CXCL12: variants seen among roughly 807,000 people sequenced by gnomAD.
The protein encoded by CXCL12 is stromal cell-derived factor 1.
In CXCL12, 4 loss-of-function variants were observed where a neutral mutation model predicts 10.7. The ratio of observed to expected loss-of-function variants is 0.37; its 90% CI spans 0.18 to 0.86. The LOEUF (loss-of-function observed/expected upper bound fraction) is 0.86, where lower values mean the gene tolerates loss of function less well. Ranked by LOEUF, CXCL12 falls within the 40% of genes least tolerant of loss-of-function variation. CXCL12 has a pLI of 0.43. For synonymous variants in CXCL12, 54 were observed against 45.4 expected (o/e 1.19, Z -0.77); for missense variants, 122 against 110.4 (o/e 1.10, Z -0.47).
chr10:44,376,170 C>T (rs1426250339), downstream of CXCL12: 2 of 811,346 alleles, frequency 2.5e-6, no homozygotes, highest in East Asian at 5.1e-5. Context: ...CTGGTCAAAG[C>T]ACTGTTTATC....
At position 44,385,071 on chromosome 10, in the gene CXCL12, G is replaced by T. The variant is rs1244994861; in HGVS notation, c.-66C>A. ...GGGGGCCGGACGCCGAGCGGGCAAT[G>T]CGGCTGACGGAGAGTGAAAGTGCGG... is the stretch of plus-strand genomic sequence containing the variant. On this transcript the variant is annotated 5_prime_UTR_variant, in exon 1 of 3. Transcript: ENST00000343575. The T allele has an allele frequency of 2.4e-6, 3 of 1,231,554 alleles. No individual in the cohort carries two copies. The highest frequency in any genetic ancestry group is 2.9e-5 in the Admixed American group (1 of 34,110). 76.3% of individuals were successfully genotyped at this position (1,231,554 alleles called of 1,614,324 possible).
chr10:44,385,058 C>G lies in CXCL12; in HGVS notation c.-53G>C. On this transcript the variant is annotated 5_prime_UTR_variant, in exon 1 of 3. Transcript: ENST00000343575. Reference sequence around the variant, plus strand: ...ACGAGCGCGGGTCGGGGGCCGGACGCCGAGCGGGCAATGCGGCTGACGGAG... The same window carrying G: ...ACGAGCGCGGGTCGGGGGCCGGACGGCGAGCGGGCAATGCGGCTGACGGAG... 1.5e-6 allele frequency: 2 copies of G among 1,346,616 alleles called. No homozygotes were observed. The highest frequency in any genetic ancestry group is 6.0e-5 in the East Asian group (2 of 33,084). 83.4% of individuals were successfully genotyped at this position (1,346,616 alleles called of 1,614,324 possible). A position where few individuals can be genotyped will look rare whatever the true frequency, so the allele number is the denominator to read the frequency against.
chr10:44,383,988 G>T (rs910662460), intron 1 of CXCL12, among the ~76,000 whole-genome samples: 1 of 152,226 alleles, frequency 6.6e-6, no homozygotes, highest in African/African-American at 2.4e-5. Context: ...GTTTATTTTG[G>T]TTTGCATCGG....
rs1055553072 is a variant in CXCL12, at chr10:44,385,065, G to A, written c.-60C>T. 37 of 1,273,036 alleles carry A rather than the reference G, an allele frequency of 2.9e-5. No homozygotes were observed. In the African/African-American group the frequency reaches 5.5e-4, roughly 19 times the overall value. 78.9% of individuals were successfully genotyped at this position (1,273,036 alleles called of 1,614,324 possible). A position where few individuals can be genotyped will look rare whatever the true frequency, so the allele number is the denominator to read the frequency against. ...CGGGTCGGGGGCCGGACGCCGAGCG[G>A]GCAATGCGGCTGACGGAGAGTGAAA... On this transcript the variant is annotated 5_prime_UTR_variant, in exon 1 of 3. Coordinates refer to ENST00000343575, the MANE Select transcript of CXCL12 (RefSeq NM_199168.4).
downstream of CXCL12, among the ~76,000 whole-genome samples, chr10:44,375,692 G>C (rs1011948609): frequency 6.6e-6 from 1 of 152,198 alleles, no homozygotes; most frequent in Non-Finnish European, 1.5e-5. Flanking sequence ...CACAGGCTCC[G>C]CGTCACAGAC....
chr10:44,384,201 G>A (rs891660630), intron 1 of CXCL12, among the ~76,000 whole-genome samples: 5 of 152,146 alleles, frequency 3.3e-5, no homozygotes, highest in African/African-American at 4.8e-5. Flanking sequence ...CTGGGGAGGG[G>A]GCGTGTGAGG....
At chr10:44,378,857 C>T in intron 2 of CXCL12, 134 bp from the exon 3 acceptor site, 1 of 852,286 alleles carries the variant, frequency 1.2e-6, no homozygotes, top group Middle Eastern at 3.3e-4. Flanking sequence ...GCTCAGGCTC[C>T]AGAGGTGCTC....
intron 2 of CXCL12, among the ~76,000 whole-genome samples, chr10:44,380,103 A>C (rs1447060681): frequency 2.0e-5 from 3 of 152,198 alleles, no homozygotes; most frequent in Admixed American, 6.5e-5. Flanking sequence ...CCTCTTGAGC[A>C]TGAGAGGGCT....
downstream of CXCL12, among the ~76,000 whole-genome samples, chr10:44,374,910 T>C (rs1455624838): frequency 3.9e-5 from 6 of 152,136 alleles, no homozygotes; most frequent in Non-Finnish European, 8.8e-5. Flanking sequence ...CGGTCCAGAT[T>C]AGAGAAACTT....
At chr10:44,372,635 A>C (rs169097), downstream of CXCL12, 2 of 1,336,494 alleles carry the variant, frequency 1.5e-6, no homozygotes, top group Non-Finnish European at 1.9e-6. Context: ...GTCCTTTTGC[A>C]GGGCCATGGA....
downstream of CXCL12, chr10:44,374,409 TGGCAGCCCCA>T: frequency 2.2e-6 from 1 of 453,522 alleles, no homozygotes. Flanking sequence ...ACGGGAAGGA[TGGCAGCCCCA>T]GGCAGCCCAC....
At chr10:44,376,741 T>A (rs1839463087), downstream of CXCL12, among the ~76,000 whole-genome samples, 1 of 152,156 alleles carries the variant, frequency 6.6e-6, no homozygotes, top group Non-Finnish European at 1.5e-5. Context: ...AACCATGGCC[T>A]GGAGTCATGG....
Position 44,378,519 on chromosome 10 carries a change from C to T in CXCL12, c.*114G>A. On this transcript the variant is annotated 3_prime_UTR_variant, in exon 3 of 3. Coordinates refer to ENST00000343575, the MANE Select transcript of CXCL12 (RefSeq NM_199168.4). The stretch of plus-strand genomic sequence containing the variant: ...GATCAATGTGCCCACCCCACACACA[C>T]ACCTGGTCCTCATGGTTAAGGCCCC... 1.3e-6 allele frequency: 2 copies of T among 1,566,886 alleles called. No individual in the cohort carries two copies. The highest frequency in any genetic ancestry group is 1.7e-6 in the Non-Finnish European group (2 of 1,155,960).
chr10:44,371,113 T>C (rs143314774), downstream of CXCL12: 29 of 213,240 alleles, frequency 1.4e-4, no homozygotes, highest in African/African-American at 6.2e-4. Flanking sequence ...ACTTTTCCCT[T>C]GCAAATGGAA....
chr10:44,373,027 G>C (rs1483589206), downstream of CXCL12: 9 of 1,536,048 alleles, frequency 5.9e-6, no homozygotes, highest in Non-Finnish European at 6.1e-6. Context: ...CAAAACCCAG[G>C]AGCCCTGAGT....
intron 2 of CXCL12, 120 bp from the exon 3 acceptor site, chr10:44,378,843 G>C: frequency 1.0e-6 from 1 of 984,862 alleles, no homozygotes; most frequent in Non-Finnish European, 1.6e-6. Flanking sequence ...GCTCCACTTG[G>C]TACGCTCAGG....
chr10:44,372,635 A>G (rs169097), downstream of CXCL12: 1,322,457 of 1,336,452 alleles, frequency 0.99, 655,260 homozygotes, highest in East Asian at 1. Context: ...GTCCTTTTGC[A>G]GGGCCATGGA....
downstream of CXCL12, chr10:44,376,954 C>A: frequency 4.9e-5 from 11 of 224,784 alleles, no homozygotes; most frequent in Non-Finnish European, 8.1e-5. Context: ...AGCTGCAGAT[C>A]TAATCTGCTC....
At chr10:44,374,765 C>T, downstream of CXCL12, 1 of 436,548 alleles carries the variant, frequency 2.3e-6, no homozygotes, top group Non-Finnish European at 4.7e-6. Flanking sequence ...TCTCTTTCTG[C>T]ATTTATTAAA....
Sources: allele counts gnomAD v4.1 joint callset (sites outside exome capture counted in the v4.1 genomes callset), GRCh38; gene constraint gnomAD v4.1.1; transcripts MANE v1.5; gene names NCBI Gene and HGNC (gene_info 2026-07-23, HGNC 2026-07-21).